The following MYH2 variants were observed in gnomAD, a reference collection of about 807,000 sequenced individuals.
MYH2 encodes myosin-2.
MYH2 carries 139 observed loss-of-function variants against 228.1 expected under a neutral mutation model. That is an observed-to-expected ratio of 0.61 (90% CI 0.53 to 0.70). The LOEUF (loss-of-function observed/expected upper bound fraction) is 0.70. Among genes scored for constraint, MYH2 ranks in the 30% least tolerant of loss-of-function variants. MYH2 has a pLI of 0.00. For missense variants in MYH2, 1,809 were observed against 2,357.5 expected, an observed-to-expected ratio of 0.77 and a Z score of 4.82; for synonymous variants, 796 against 871.1, an observed-to-expected ratio of 0.91 and a Z score of 1.52.
chr17:10,530,800 G>A (rs2073415403), intron 22 of MYH2, among the ~76,000 whole-genome samples: 3 of 152,162 alleles, frequency 2.0e-5, no homozygotes, highest in African/African-American at 7.2e-5. Flanking sequence ...AATCTCTGGG[G>A]ACAACAGAAG....
intron 2 of MYH2, among the ~76,000 whole-genome samples, chr17:10,548,525 A>C (rs1184798331): frequency 1.3e-5 from 2 of 152,186 alleles, no homozygotes; most frequent in African/African-American, 4.8e-5. Flanking sequence ...TCAGTGGCTT[A>C]TTGGAGATTA....
intron 19 of MYH2, 129 bp from the exon 20 acceptor site, chr17:10,533,761 T>C (rs1567732162): frequency 6.9e-6 from 9 of 1,301,292 alleles, no homozygotes. Context: ...AGGAGAACAT[T>C]GTTTATTTGA....
In MYH2 at chr17:10,524,425, T is replaced by C; in HGVS notation, c.5175+41A>G. 6.2e-7 allele frequency: 1 copy of C among 1,612,944 alleles called. No homozygotes were observed. The highest frequency in any genetic ancestry group is 8.5e-7 in the Non-Finnish European group (1 of 1,178,884). On this transcript the variant is annotated intron_variant, in intron 35 of 39. Coordinates refer to ENST00000245503, the MANE Select transcript of MYH2 (RefSeq NM_017534.6). The surrounding 1 kb of genome is among the most constrained non-coding windows in gnomAD (Gnocchi z 4.7). Reference sequence around the variant, plus strand: ...ACTCAGGCTTATCTATTCTGGGACATATAAAATTTACTAAGGAGAGTTCTT... The same window carrying C: ...ACTCAGGCTTATCTATTCTGGGACACATAAAATTTACTAAGGAGAGTTCTT...
chr17:10,529,325 T>C lies in MYH2; in HGVS notation c.3263+11A>G, dbSNP rs890845570. 1.9e-6 allele frequency: 3 copies of C among 1,610,690 alleles called. No homozygotes were observed. In the Admixed American group the frequency reaches 5.0e-5, roughly 27 times the overall value. Reference sequence around the variant, plus strand: ...TGGAAGCAAATCCATAAGCAATTCTTTCTTACTTACTTTTTGAGCTTTTCA... The same window carrying C: ...TGGAAGCAAATCCATAAGCAATTCTCTCTTACTTACTTTTTGAGCTTTTCA... On this transcript the variant is annotated intron_variant, in intron 25 of 39. Coordinates refer to ENST00000245503, the MANE Select transcript of MYH2 (RefSeq NM_017534.6).
intron 21 of MYH2, 115 bp downstream of exon 21, chr17:10,533,170 T>C (rs1220416585): frequency 3.4e-6 from 5 of 1,454,526 alleles, no homozygotes; most frequent in Non-Finnish European, 4.8e-6. Context: ...CACTTCATTA[T>C]AGGACTCTTA....
rs1328848360 is a variant in MYH2 at position 10,524,775 on chromosome 17, G to A, written c.4953C>T (p.Asn1651=). The change falls in exon 34 of 40, where the codon AAC becomes AAT. Residue 1651 remains asparagine, a synonymous_variant. Coordinates refer to ENST00000245503, the MANE Select transcript of MYH2 (RefSeq NM_017534.6). This position sits in a 1 kb window ranked among gnomAD's most constrained non-coding sequence, Gnocchi z 4.7. ...TATTTACCTTGAGGATGCCTTGGGTGTTCCTGTAGTTCCTCAGGGCCTCAG... is the reference window on the plus strand; with the variant it reads ...TATTTACCTTGAGGATGCCTTGGGTATTCCTGTAGTTCCTCAGGGCCTCAG... ...MAAEALRNYR[N]TQGILKDTQI... is the part of the protein sequence containing the mutation. The A allele has an allele frequency of 6.2e-7, 1 of 1,614,180 alleles. No individual in the cohort carries two copies. The highest frequency in any genetic ancestry group is 8.5e-7 in the Non-Finnish European group (1 of 1,180,030).
intron 2 of MYH2, among the ~76,000 whole-genome samples, chr17:10,549,138 A>G (rs2073670445): frequency 6.6e-6 from 1 of 152,204 alleles, no homozygotes; most frequent in Admixed American, 6.5e-5. Context: ...CACAGACAAT[A>G]TATTTATTCA....
chr17:10,524,341 T>G lies in MYH2; in HGVS notation c.5175+125A>C. On this transcript the variant is annotated intron_variant, in intron 35 of 39. Transcript: ENST00000245503. This position sits in a 1 kb window ranked among gnomAD's most constrained non-coding sequence, Gnocchi z 4.7. The stretch of plus-strand genomic sequence containing the variant: ...ATTTCTCAGTAATGCAGAATTACTA[T>G]TCTGTATTATTTGAAAAGAAAATTT... 7.9e-7 allele frequency: 1 copy of G among 1,260,112 alleles called. No homozygotes were observed. The highest frequency in any genetic ancestry group is 1.1e-6 in the Non-Finnish European group (1 of 872,192). The allele number at this position is 1,260,112 out of a possible 1,614,324, so 78.1% of individuals were successfully genotyped here.
At chr17:10,528,047 CT>C (rs71365770) in intron 27 of MYH2, among the ~76,000 whole-genome samples, 173 bp from the exon 28 acceptor site, 233 of 131,826 alleles carry the variant, frequency 1.8e-3, no homozygotes, top group East Asian at 2.3e-3. Context: ...TTCTTTCTTT[CT>C]TTTTTTTTTT....
chr17:10,539,200 C>T lies in MYH2; in HGVS notation c.1416+5G>A. The stretch of plus-strand genomic sequence containing the variant: ...AATCCTCTCACCAATCAGCTACAAA[C>T]TCACATCAAAAATCTCAAAACCAGC... On this transcript the variant is annotated splice_donor_5th_base_variant and intron_variant, in intron 14 of 39. Coordinates refer to ENST00000245503, the MANE Select transcript of MYH2 (RefSeq NM_017534.6). 1 of 1,614,108 alleles carries T rather than the reference C, an allele frequency of 6.2e-7. No homozygotes were observed. Among genetic ancestry groups the T allele is most frequent in the Non-Finnish European group, 8.5e-7 (1 of 1,180,006 alleles).
intron 2 of MYH2, among the ~76,000 whole-genome samples, chr17:10,549,069 T>C (rs962768243): frequency 6.6e-6 from 1 of 152,246 alleles, no homozygotes; most frequent in Non-Finnish European, 1.5e-5. Context: ...GCAGGATACA[T>C]TTTTATCAAA....
intron 4 of MYH2, among the ~76,000 whole-genome samples, chr17:10,546,282 T>TATATATATATATATATATATATATAA (rs2073630544): frequency 7.8e-6 from 1 of 127,940 alleles, no homozygotes; most frequent in Non-Finnish European, 1.7e-5. Context: ...TATATATATA[T>TATATATATATATATATATATATATAA]ATATATACAT....
At chr17:10,527,440 T>A (rs2073368526) in intron 28 of MYH2, among the ~76,000 whole-genome samples, 1 of 152,202 alleles carries the variant, frequency 6.6e-6, no homozygotes, top group African/African-American at 2.4e-5. Flanking sequence ...GACCCTCATA[T>A]AAATAAAGAG....
In MYH2 at chr17:10,531,751, T is replaced by C. The variant is rs774977216; in HGVS notation, c.2579A>G (p.Glu860Gly). The C allele has an allele frequency of 6.2e-7, 1 of 1,614,234 alleles. No homozygotes were observed. Among genetic ancestry groups the C allele is most frequent in the East Asian group, 2.2e-5 (1 of 44,876 alleles). ...TTCGTCTTTAATTTTCTGAAATTCT[T>C]CCTTCATGGTGGCCATCTCCTTCTC... ...ETEKEMATMK[E>G]EFQKIKDELA... The change falls in exon 22 of 40, where the codon GAA becomes GGA. Residue 860 changes from glutamate to glycine, a missense_variant. Glu to Gly is a moderately conservative substitution (Grantham distance 98, BLOSUM62 -2). Coordinates refer to ENST00000245503, the MANE Select transcript of MYH2 (RefSeq NM_017534.6).
chr17:10,545,440 G>A lies in MYH2; in HGVS notation c.411C>T (p.Pro137=). 1.9e-6 allele frequency: 3 copies of A among 1,614,142 alleles called. No individual in the cohort carries two copies. The highest frequency in any genetic ancestry group is 1.7e-4 in the Middle Eastern group (1 of 6,060). ...TGCCTCGGTAGGCTGTCACCACCTCGGGCTTATACACAGGCAGCCACTTGT... is the reference window on the plus strand; with the variant it reads ...TGCCTCGGTAGGCTGTCACCACCTCAGGCTTATACACAGGCAGCCACTTGT... ...NPYKWLPVYK[P]EVVTAYRGKK... is the part of the protein sequence containing the mutation. Residue 137 remains proline, a synonymous_variant, in exon 5 of 40, where the codon CCC becomes CCT. Transcript: ENST00000245503.
chr17:10,527,734 G>A lies in MYH2; in HGVS notation c.3871+14C>T, dbSNP rs1187026699. ...CTCTCCACCCTGAAGCTGCACAGAAGAGGGGAGAGTTACCAGATTCAGTCT... is the reference window on the plus strand; with the variant it reads ...CTCTCCACCCTGAAGCTGCACAGAAAAGGGGAGAGTTACCAGATTCAGTCT... On this transcript the variant is annotated intron_variant, in intron 28 of 39. Coordinates refer to ENST00000245503, the MANE Select transcript of MYH2 (RefSeq NM_017534.6). 1 of 1,613,832 alleles carries A rather than the reference G, an allele frequency of 6.2e-7. No individual in the cohort carries two copies.
Position 10,525,722 on chromosome 17 carries a change from G to A in MYH2, c.4342C>T (p.Leu1448Phe), listed in dbSNP as rs762951575. Residue 1448 changes from leucine (L) to phenylalanine (F), a missense_variant, in exon 31 of 40, where the codon CTT (leucine) becomes TTT (phenylalanine). Leu to Phe is a conservative substitution (Grantham distance 22). Around this residue, in one of 9 missense-constraint regions of MYH2, gnomAD observed 636 missense variants for 729.9 expected, o/e 0.87. Coordinates refer to ENST00000245503, the MANE Select transcript of MYH2 (RefSeq NM_017534.6). The surrounding 1 kb of genome is among the most constrained non-coding windows in gnomAD (Gnocchi z 4.2). ...VERTNAACAA[L>F]DKKQRNFDKI... ...TCGAAGTTCCTTTGCTTTTTGTCAA[G>A]GGCGGCACAGGCGGCATTTGTCCTC... 4.3e-6 allele frequency: 7 copies of A among 1,614,044 alleles called. No homozygotes were observed. The African/African-American group carries it at 6.7e-5, about 15-fold the overall frequency.
intron 29 of MYH2, 28 bp downstream of exon 29, chr17:10,526,909 GA>G (rs757939029): frequency 6.2e-7 from 1 of 1,613,112 alleles, no homozygotes; most frequent in South Asian, 1.1e-5. Context: ...GCTCATGAGG[GA>G]AAAAATCAGT....
In MYH2 at chr17:10,535,559, G is replaced by A. The variant is rs540628952; in HGVS notation, c.1975-194C>T. Reference sequence around the variant, plus strand: ...TAGATCTTTCTGCACTTGAGTTTCCGAGAGTTACACACAGAACAAGGAAAG... The same window carrying A: ...TAGATCTTTCTGCACTTGAGTTTCCAAGAGTTACACACAGAACAAGGAAAG... On this transcript the variant is annotated intron_variant, in intron 17 of 39. Transcript: ENST00000245503. 6.6e-5 allele frequency among the ~76,000 whole-genome samples: 10 copies of A among 152,226 alleles called. No individual in the cohort carries two copies. The East Asian group carries it at 1.2e-3, about 18-fold the overall frequency.
Sources: gnomAD v4.1 joint callset for allele counts (sites outside exome capture counted in the v4.1 genomes callset) on GRCh38, gnomAD v4.1.1 for gene constraint, gnomAD v4.1.1 regional missense constraint, Gnocchi (gnomAD v3.1) non-coding constraint, MANE v1.5 for transcripts, NCBI Gene and HGNC (gene_info 2026-07-23, HGNC 2026-07-21) for gene names.